GLDC: variants seen among roughly 807,000 people sequenced by gnomAD.
GLDC encodes glycine decarboxylase, also known as glycine dehydrogenase (decarboxylating), mitochondrial.
In GLDC, 104 loss-of-function variants were observed where a neutral mutation model predicts 121.3. The ratio of observed to expected loss-of-function variants is 0.86; its 90% CI spans 0.73 to 1.01. The LOEUF (loss-of-function observed/expected upper bound fraction) is 1.01, where lower values mean the gene tolerates loss of function less well. Ranked by LOEUF, GLDC falls within the 50% of genes least tolerant of loss-of-function variation. GLDC has a pLI of 0.00. For synonymous variants in GLDC, 546 were observed against 480.6 expected (o/e 1.14, Z -1.78); for missense variants, 1,429 against 1,306.6 (o/e 1.09, Z -1.44).
At chr9:6,560,912 T>G (rs1211021450) in intron 16 of GLDC, among the ~76,000 whole-genome samples, 1 of 152,168 alleles carries the variant, frequency 6.6e-6, no homozygotes, top group African/African-American at 2.4e-5. Flanking sequence ...TTAAGTGTCC[T>G]CATCAGAGGG....
At chr9:6,581,990 G>A (rs1237785109) in intron 15 of GLDC, among the ~76,000 whole-genome samples, 1 of 149,250 alleles carries the variant, frequency 6.7e-6, no homozygotes, top group Non-Finnish European at 1.5e-5. Context: ...TGAGGCAGGA[G>A]GATCACCTGA....
At chr9:6,612,253 T>TCTCACACA (rs1554648951) in intron 3 of GLDC, among the ~76,000 whole-genome samples, 3,521 of 150,078 alleles carry the variant, frequency 0.023, 146 homozygotes, top group African/African-American at 0.082. Flanking sequence ...TCTCTCTCTC[T>TCTCACACA]CACACACACT....
intron 4 of GLDC, among the ~76,000 whole-genome samples, chr9:6,608,932 CGGCTGCTCA>C (rs1043521245): frequency 5.9e-5 from 9 of 152,060 alleles, no homozygotes; most frequent in African/African-American, 2.2e-4. Context: ...CCACCCCCAA[CGGCTGCTCA>C]GGAATCAGAA....
intron 2 of GLDC, among the ~76,000 whole-genome samples, chr9:6,642,380 A>T (rs1403026169): frequency 4.6e-5 from 7 of 150,826 alleles, no homozygotes; most frequent in Non-Finnish European, 8.8e-5. Context: ...AAATACAAAA[A>T]ATTAGCCGGG....
intron 2 of GLDC, among the ~76,000 whole-genome samples, chr9:6,627,506 G>T (rs1047700437): frequency 2.6e-5 from 4 of 152,040 alleles, no homozygotes; most frequent in Non-Finnish European, 4.4e-5. Context: ...AGTTTTCCTG[G>T]ATTGGTTCTC....
rs145295240 is a variant in GLDC at position 6,624,944 on chromosome 9, C to T, written c.335-4625G>A. Among the ~76,000 whole-genome samples the T allele has an allele frequency of 1.9e-3, 287 of 151,306 alleles. 1 individual carries two copies. The highest frequency in any genetic ancestry group is 3.4e-3 in the Middle Eastern group (1 of 290). Reference sequence around the variant, plus strand: ...CGGAGATTGCAGTGAGCTGAGATCACGCCACTGCACTCCAACCGGGGCAAC... The same window carrying T: ...CGGAGATTGCAGTGAGCTGAGATCATGCCACTGCACTCCAACCGGGGCAAC... On this transcript the variant is annotated intron_variant, in intron 2 of 24. Transcript: ENST00000321612.
intron 22 of GLDC, among the ~76,000 whole-genome samples, chr9:6,536,739 C>G (rs1817136818): frequency 6.6e-6 from 1 of 151,864 alleles, no homozygotes; most frequent in Non-Finnish European, 1.5e-5. Context: ...GTATTATGTG[C>G]AATTAAGAGA....
intron 2 of GLDC, chr9:6,639,517 C>T (rs1179773570): frequency 2.4e-6 from 2 of 820,910 alleles, no homozygotes; most frequent in East Asian, 2.4e-5. Flanking sequence ...AAGGGCAACA[C>T]CCTGATTCGG....
chr9:6,583,560 C>T (rs1162102565), intron 15 of GLDC, among the ~76,000 whole-genome samples: 1 of 152,050 alleles, frequency 6.6e-6, no homozygotes, highest in Non-Finnish European at 1.5e-5. Flanking sequence ...CCAGTAGTCC[C>T]AGCTAAGCGG....
intron 20 of GLDC, 26 bp downstream of exon 20, chr9:6,553,342 C>T (rs1439449380): frequency 6.2e-7 from 1 of 1,612,192 alleles, no homozygotes; most frequent in East Asian, 2.2e-5. Context: ...CCCACCTGCA[C>T]ACCTGCACAT....
In GLDC at chr9:6,595,002, T is replaced by C. The variant is rs776108812; in HGVS notation, c.1261+12A>G. 2 of 1,480,528 alleles carry C rather than the reference T, an allele frequency of 1.4e-6. No homozygotes were observed. Among genetic ancestry groups the C allele is most frequent in the Admixed American group, 3.3e-5 (2 of 59,828 alleles). 91.7% of individuals were successfully genotyped at this position (1,480,528 alleles called of 1,614,324 possible). The stretch of plus-strand genomic sequence containing the variant: ...ATTATGCCCAAATGTTTTAGACAGA[T>C]TACCAACTCACCTTCTGACAAAATC... On this transcript the variant is annotated intron_variant, in intron 9 of 24. Transcript: ENST00000321612.
intron 3 of GLDC, 64 bp downstream of exon 3, chr9:6,620,120 A>C (rs1819055840): frequency 6.6e-7 from 1 of 1,521,790 alleles, no homozygotes; most frequent in African/African-American, 1.4e-5. Context: ...AAGGGGACAG[A>C]TGGAGGATGG....
intron 3 of GLDC, among the ~76,000 whole-genome samples, chr9:6,613,784 T>C (rs1488266243): frequency 1.3e-5 from 2 of 152,188 alleles, no homozygotes. Flanking sequence ...TTTGGGGTTT[T>C]TATTTTTTTT....
chr9:6,632,344 A>C (rs1587980994), intron 2 of GLDC, among the ~76,000 whole-genome samples: 1 of 152,188 alleles, frequency 6.6e-6, no homozygotes, highest in Non-Finnish European at 1.5e-5. Context: ...CTATTAAGAA[A>C]GTTGTATAAA....
At chr9:6,590,538 T>A (rs1208052337) in intron 11 of GLDC, among the ~76,000 whole-genome samples, 1 of 152,178 alleles carries the variant, frequency 6.6e-6, no homozygotes, top group Non-Finnish European at 1.5e-5. Context: ...TCTCTTCCTT[T>A]TTCTTTTGCC....
At chr9:6,586,433 GC>G (rs1402286518) in intron 15 of GLDC, among the ~76,000 whole-genome samples, 2 of 152,248 alleles carry the variant, frequency 1.3e-5, no homozygotes, top group African/African-American at 4.8e-5. Flanking sequence ...GGAGGCTGTT[GC>G]TTTTGAAAAT....
chr9:6,632,521 C>G (rs1819405369), intron 2 of GLDC, among the ~76,000 whole-genome samples: 1 of 152,156 alleles, frequency 6.6e-6, no homozygotes, highest in South Asian at 2.1e-4. Context: ...AAACTTGAGT[C>G]AAAATGAGAT....
intron 16 of GLDC, among the ~76,000 whole-genome samples, chr9:6,563,104 C>T (rs942276458): frequency 6.6e-6 from 1 of 152,126 alleles, no homozygotes; most frequent in African/African-American, 2.4e-5. Context: ...GGAAGGAGGA[C>T]AGGAAAACAC....
At chr9:6,637,586 A>G (rs951441025) in intron 2 of GLDC, among the ~76,000 whole-genome samples, 20 of 151,820 alleles carry the variant, frequency 1.3e-4, no homozygotes, top group Admixed American at 1.2e-3. Flanking sequence ...CCTGCCTCAG[A>G]CTCCTGAGCA....
Sources: allele counts gnomAD v4.1 joint callset (sites outside exome capture counted in the v4.1 genomes callset), GRCh38; gene constraint gnomAD v4.1.1; transcripts MANE v1.5; gene names NCBI Gene and HGNC (gene_info 2026-07-23, HGNC 2026-07-21).